CTNNA3: variants seen among roughly 807,000 people sequenced by gnomAD.
CTNNA3 encodes the protein catenin alpha 3, also known as catenin alpha-3.
CTNNA3 carries 76 observed loss-of-function variants against 95.7 expected under a neutral mutation model. The observed-to-expected ratio is 0.79, with a 90% CI of 0.66 to 0.96. The LOEUF (loss-of-function observed/expected upper bound fraction) is 0.96. Ranked by LOEUF, CTNNA3 falls within the 40% of genes least tolerant of loss-of-function variation. The pLI is 0.00. For synonymous variants in CTNNA3, 431 were observed against 374.4 expected (o/e 1.15, Z -1.74); for missense variants, 1,191 against 1,089.8 (o/e 1.09, Z -1.31).
chr10:67,566,012 CACAA>C (rs1215662612), intron 3 of CTNNA3, among the ~76,000 whole-genome samples: 6 of 86,458 alleles, frequency 6.9e-5, no homozygotes, highest in East Asian at 4.4e-4. Flanking sequence ...TATATACACA[CACAA>C]ACACACACAC....
intron 11 of CTNNA3, among the ~76,000 whole-genome samples, chr10:66,495,384 C>T (rs146098529): frequency 2.6e-5 from 4 of 151,866 alleles, no homozygotes; most frequent in African/African-American, 4.8e-5. Flanking sequence ...ATAGCCATAA[C>T]GAGATATAGG....
At chr10:66,042,067 A>G (rs970011349) in intron 15 of CTNNA3, among the ~76,000 whole-genome samples, 1 of 152,050 alleles carries the variant, frequency 6.6e-6, no homozygotes, top group African/African-American at 2.4e-5. Flanking sequence ...CATCTCTACC[A>G]TGACATGCTA....
At chr10:67,583,290 A>T (rs1842481491) in intron 3 of CTNNA3, among the ~76,000 whole-genome samples, 1 of 152,212 alleles carries the variant, frequency 6.6e-6, no homozygotes, top group East Asian at 1.9e-4. Context: ...CTTGTCTGTA[A>T]AATATTTTAT....
intron 9 of CTNNA3, among the ~76,000 whole-genome samples, chr10:66,648,764 G>A (rs1017933562): frequency 4.6e-5 from 7 of 152,106 alleles, no homozygotes; most frequent in African/African-American, 1.7e-4. Flanking sequence ...GCGTGGCAGC[G>A]GAATTAGATG....
At chr10:66,563,163 C>T (rs1040225622) in intron 10 of CTNNA3, among the ~76,000 whole-genome samples, 1 of 152,024 alleles carries the variant, frequency 6.6e-6, no homozygotes, top group Non-Finnish European at 1.5e-5. Flanking sequence ...TTAAATAATG[C>T]AGTATAGAAT....
At chr10:67,698,149 C>T (rs1017419035), upstream of CTNNA3, among the ~76,000 whole-genome samples, 1 of 152,090 alleles carries the variant, frequency 6.6e-6, no homozygotes, top group Admixed American at 6.5e-5. Flanking sequence ...TCCCTATTTA[C>T]TTGTTTCCTT....
At chr10:67,145,017 T>A (rs926111252) in intron 7 of CTNNA3, among the ~76,000 whole-genome samples, 1 of 152,138 alleles carries the variant, frequency 6.6e-6, no homozygotes, top group Non-Finnish European at 1.5e-5. Flanking sequence ...TTACTTGGCC[T>A]AATTTCAATA....
chr10:66,706,777 A>G (rs1405027286), intron 9 of CTNNA3, among the ~76,000 whole-genome samples: 2 of 152,044 alleles, frequency 1.3e-5, no homozygotes, highest in Non-Finnish European at 2.9e-5. Context: ...GGAGGGGGTC[A>G]CAACAGCTTA....
chr10:66,219,101 G>T (rs10822753), intron 13 of CTNNA3, among the ~76,000 whole-genome samples: 4 of 151,948 alleles, frequency 2.6e-5, no homozygotes, highest in African/African-American at 9.7e-5. Flanking sequence ...CAAGATAAAC[G>T]TACTGGAGCT....
chr10:66,547,773 T>C (rs1346812416), intron 10 of CTNNA3, among the ~76,000 whole-genome samples: 2 of 152,210 alleles, frequency 1.3e-5, no homozygotes, highest in Non-Finnish European at 2.9e-5. Context: ...TATTTGGTCT[T>C]ACAATCCATA....
chr10:66,116,917 C>T (rs944105315), intron 13 of CTNNA3, among the ~76,000 whole-genome samples: 9 of 152,080 alleles, frequency 5.9e-5, no homozygotes, highest in Non-Finnish European at 1.2e-4. Context: ...GGGGGAAGTC[C>T]GCACACACGA....
intron 9 of CTNNA3, among the ~76,000 whole-genome samples, chr10:66,685,311 G>A (rs1398946142): frequency 3.5e-4 from 10 of 28,692 alleles, no homozygotes; most frequent in African/African-American, 1.4e-3. Context: ...ATATATATGT[G>A]TGTGTGTATG....
chr10:66,210,778 T>A (rs2088098965), intron 13 of CTNNA3, among the ~76,000 whole-genome samples: 1 of 152,222 alleles, frequency 6.6e-6, no homozygotes, highest in Non-Finnish European at 1.5e-5. Context: ...CATAGCCATA[T>A]AAAGTTTACA....
At chr10:66,206,016 C>A (rs962214659) in intron 13 of CTNNA3, among the ~76,000 whole-genome samples, 1 of 151,894 alleles carries the variant, frequency 6.6e-6, no homozygotes, top group African/African-American at 2.4e-5. Context: ...AATATCATTA[C>A]CCTCTAATTT....
chr10:66,812,394 G>C (rs35690454), intron 7 of CTNNA3, among the ~76,000 whole-genome samples: 1 of 152,086 alleles, frequency 6.6e-6, no homozygotes, highest in African/African-American at 2.4e-5. Context: ...ATGGTATTCT[G>C]CTATGACAAT....
intron 5 of CTNNA3, among the ~76,000 whole-genome samples, chr10:67,232,056 G>A (rs1271714856): frequency 2.6e-5 from 4 of 152,044 alleles, no homozygotes; most frequent in Non-Finnish European, 5.9e-5. Context: ...GAAAGTGACG[G>A]GGAGAATGGA....
chr10:67,339,005 C>G (rs1347402165), intron 5 of CTNNA3, among the ~76,000 whole-genome samples: 1 of 152,094 alleles, frequency 6.6e-6, no homozygotes, highest in Admixed American at 6.6e-5. Flanking sequence ...TCAGCTGCCT[C>G]AATAAATTAT....
At chr10:66,614,463 A>G (rs983198554) in intron 10 of CTNNA3, among the ~76,000 whole-genome samples, 1 of 152,044 alleles carries the variant, frequency 6.6e-6, no homozygotes, top group Non-Finnish European at 1.5e-5. Context: ...TAAAATATGA[A>G]TACAAGTGAT....
chr10:66,331,338 G>GCTTGCTTTTTTTTTTTTTT lies in CTNNA3; in HGVS notation c.1732+47813_1732+47814insAAAAAAAAAAAAAAGCAAG, dbSNP rs1417713676. 3.1e-3 allele frequency among the ~76,000 whole-genome samples: 120 copies of GCTTGCTTTTTTTTTTTTTT among 39,092 alleles called. 30 individuals are homozygous for GCTTGCTTTTTTTTTTTTTT. The highest frequency in any genetic ancestry group is 5.9e-3 in the African/African-American group (82 of 13,972). The allele number at this position is 39,092 out of a possible 152,430, so 25.6% of individuals were successfully genotyped here. A position where few individuals can be genotyped will look rare whatever the true frequency, so the allele number is the denominator to read the frequency against. On this transcript the variant is annotated intron_variant, in intron 12 of 17. Coordinates refer to ENST00000433211, the MANE Select transcript of CTNNA3 (RefSeq NM_013266.4). Reference sequence around the variant, plus strand: ...TTAAATATGGACTCCTTTCCCCATTGTTTGTTTTTTTTTTTTTTTTTTTTT... The same window carrying GCTTGCTTTTTTTTTTTTTT: ...TTAAATATGGACTCCTTTCCCCATTGCTTGCTTTTTTTTTTTTTTTTTGTTTTTTTTTTTTTTTTTTTTT...
Sources: gnomAD v4.1 joint callset for allele counts (sites outside exome capture counted in the v4.1 genomes callset) on GRCh38, gnomAD v4.1.1 for gene constraint, MANE v1.5 for transcripts, NCBI Gene and HGNC (gene_info 2026-07-23, HGNC 2026-07-21) for gene names.